The following HMBOX1 variants were observed in gnomAD, a reference collection of about 807,000 sequenced individuals.
The protein encoded by HMBOX1 is homeobox containing 1, also known as homeobox-containing protein 1.
In HMBOX1, 14 loss-of-function variants were observed where a neutral mutation model predicts 54.5. The ratio of observed to expected loss-of-function variants is 0.26; its 90% CI spans 0.17 to 0.40. The LOEUF is 0.40. HMBOX1 is among the 10% of genes least tolerant of loss of function. The probability of loss-of-function intolerance (pLI) is 1.00; values close to 1 mark genes in which losing one functional copy is unlikely to be tolerated. For missense variants in HMBOX1, 332 were observed against 514.4 expected (o/e 0.65, Z 3.43); for synonymous variants, 160 against 181.0 (o/e 0.88, Z 0.93).
At chr8:29,018,937 A>G (rs777889307) in intron 6 of HMBOX1, 24 bp downstream of exon 6, 10 of 1,611,646 alleles carry the variant, frequency 6.2e-6, no homozygotes, top group African/African-American at 4.0e-5. Context: ...TTTTCTACGA[A>G]TGATCTCCCA....
chr8:28,912,049 G>A (rs999559963), intron 1 of HMBOX1, among the ~76,000 whole-genome samples: 2 of 152,060 alleles, frequency 1.3e-5, no homozygotes, highest in Admixed American at 1.3e-4. Context: ...CTAACCAAAG[G>A]CTATTTTATA....
chr8:28,976,690 CTT>C, intron 3 of HMBOX1, among the ~76,000 whole-genome samples: 1 of 149,754 alleles, frequency 6.7e-6, no homozygotes, highest in East Asian at 1.9e-4. Flanking sequence ...CTTTTTATTT[CTT>C]TTCTTTTCTT....
Position 28,948,326 on chromosome 8 carries a change from A to G in HMBOX1, c.-57-15485A>G, listed in dbSNP as rs75667350. Among the ~76,000 whole-genome samples the G allele has an allele frequency of 7.7e-4, 118 of 152,296 alleles. 1 individual carries two copies. In the East Asian group the frequency reaches 0.021, roughly 28 times the overall value. ...GCTGTATTTCCCAGTTACCCATGCA[A>G]CAGGTGCTTAGTAAATATTTGCTGA... On this transcript the variant is annotated intron_variant, in intron 1 of 9. Coordinates refer to ENST00000287701, the MANE Select transcript of HMBOX1 (RefSeq NM_001135726.3).
intron 4 of HMBOX1, among the ~76,000 whole-genome samples, chr8:28,992,493 T>TA (rs1831124347): frequency 6.6e-6 from 1 of 152,336 alleles, no homozygotes; most frequent in Admixed American, 6.5e-5. Context: ...GGCCACTTGA[T>TA]AATGAACTTT....
At chr8:28,894,034 T>C (rs1811561177) in intron 1 of HMBOX1, among the ~76,000 whole-genome samples, 1 of 152,228 alleles carries the variant, frequency 6.6e-6, no homozygotes, top group African/African-American at 2.4e-5. Context: ...CATTTATAGA[T>C]AAACCGAATA....
intron 6 of HMBOX1, among the ~76,000 whole-genome samples, chr8:29,030,896 T>C (rs529805260): frequency 6.6e-6 from 1 of 152,230 alleles, no homozygotes; most frequent in Non-Finnish European, 1.5e-5. Flanking sequence ...TTTATGGTTA[T>C]GCATTATAGA....
chr8:28,896,566 G>A (rs1009205439), intron 1 of HMBOX1, among the ~76,000 whole-genome samples: 1 of 148,962 alleles, frequency 6.7e-6, no homozygotes, highest in African/African-American at 2.4e-5. Context: ...AGTACATAAT[G>A]ATGTTTCAGT....
intron 1 of HMBOX1, among the ~76,000 whole-genome samples, chr8:28,946,102 A>G (rs181088089): frequency 0.02 from 3,065 of 151,658 alleles, 87 homozygotes; most frequent in African/African-American, 0.07. Flanking sequence ...ACAGGTGCCC[A>G]CCACTATGCC....
chr8:28,983,014 G>A (rs549397784), intron 4 of HMBOX1, among the ~76,000 whole-genome samples: 6 of 152,232 alleles, frequency 3.9e-5, no homozygotes, highest in African/African-American at 1.2e-4. Context: ...CACCGCACCC[G>A]GCTATCATCT....
At chr8:28,982,405 G>GTAAAAAA (rs1563520701) in intron 4 of HMBOX1, among the ~76,000 whole-genome samples, 1 of 151,840 alleles carries the variant, frequency 6.6e-6, no homozygotes, top group African/African-American at 2.4e-5. Context: ...TAATGGTCAT[G>GTAAAAAA]ATGATGCCAT....
intron 6 of HMBOX1, chr8:29,042,650 C>T (rs1368943027): frequency 4.4e-6 from 2 of 455,960 alleles, no homozygotes; most frequent in Non-Finnish European, 8.8e-6. Context: ...AACACTTGGT[C>T]CCCTGAGAGA....
chr8:28,936,365 AACT>A (rs948563726), intron 1 of HMBOX1, among the ~76,000 whole-genome samples: 1 of 152,048 alleles, frequency 6.6e-6, no homozygotes, highest in African/African-American at 2.4e-5. Flanking sequence ...TAAAATATAG[AACT>A]AATAATAATA....
intron 1 of HMBOX1, among the ~76,000 whole-genome samples, chr8:28,923,936 C>A (rs1030919878): frequency 3.3e-5 from 5 of 151,992 alleles, no homozygotes; most frequent in Admixed American, 1.3e-4. Context: ...TGTTTAAACC[C>A]TTTGCCCATT....
At chr8:28,904,488 C>T (rs763186159) in intron 1 of HMBOX1, among the ~76,000 whole-genome samples, 2 of 152,168 alleles carry the variant, frequency 1.3e-5, no homozygotes, top group Non-Finnish European at 2.9e-5. Flanking sequence ...GCCTAGGCCT[C>T]CCCGAGTGCT....
chr8:29,041,291 A>G (rs974453351), intron 6 of HMBOX1, among the ~76,000 whole-genome samples: 1 of 152,146 alleles, frequency 6.6e-6, no homozygotes, highest in Non-Finnish European at 1.5e-5. Context: ...GGAGATAGTC[A>G]TTGCTAACCC....
intron 1 of HMBOX1, among the ~76,000 whole-genome samples, chr8:28,960,792 T>G (rs867708653): frequency 0.03 from 2,924 of 96,362 alleles, 213 homozygotes; most frequent in African/African-American, 0.12. Context: ...TTTTTTTTTT[T>G]TTTTTTTTTT....
intron 4 of HMBOX1, among the ~76,000 whole-genome samples, chr8:29,004,273 T>C (rs1228550817): frequency 1.3e-5 from 2 of 152,148 alleles, no homozygotes; most frequent in East Asian, 3.9e-4. Flanking sequence ...TTGTTGGTAA[T>C]TGAGATGACC....
At chr8:28,991,881 G>T (rs747443183) in intron 4 of HMBOX1, among the ~76,000 whole-genome samples, 1 of 151,834 alleles carries the variant, frequency 6.6e-6, no homozygotes, top group Non-Finnish European at 1.5e-5. Context: ...CTTTTTTTAG[G>T]GTTTGTATTT....
chr8:29,002,730 T>C (rs919437418), intron 4 of HMBOX1, among the ~76,000 whole-genome samples: 1 of 152,230 alleles, frequency 6.6e-6, no homozygotes, highest in Non-Finnish European at 1.5e-5. Context: ...AATCCTGTGT[T>C]AAAATAAAAC....
Sources: allele counts gnomAD v4.1 joint callset (sites outside exome capture counted in the v4.1 genomes callset), GRCh38; gene constraint gnomAD v4.1.1; transcripts MANE v1.5; gene names NCBI Gene and HGNC (gene_info 2026-07-23, HGNC 2026-07-21).